PADI1: variants seen among roughly 807,000 people sequenced by gnomAD.
PADI1 encodes peptidyl arginine deiminase 1, also known as protein-arginine deiminase type-1.
PADI1 carries 65 observed loss-of-function variants against 74.8 expected under a neutral mutation model. The ratio of observed to expected loss-of-function variants is 0.87; its 90% CI spans 0.71 to 1.07. The LOEUF is 1.07. Ranked by LOEUF, PADI1 falls within the 50% of genes least tolerant of loss-of-function variation. The pLI, the probability that PADI1 is intolerant of heterozygous loss-of-function variation, is 0.00. For synonymous variants in PADI1, 371 were observed against 336.2 expected, an observed-to-expected ratio of 1.10 and a Z score of -1.13; for missense variants, 943 against 854.0, an observed-to-expected ratio of 1.10 and a Z score of -1.30.
chr1:17,225,873 C>T lies in PADI1; in HGVS notation c.471C>T (p.Asp157=). 1.2e-6 allele frequency: 2 copies of T among 1,614,108 alleles called. No homozygotes were observed. The highest frequency in any genetic ancestry group is 1.7e-6 in the Non-Finnish European group (2 of 1,180,022). ...TCTTGCTGGTGAACTGTGACCGGGA[C>T]AATCACAGGTCCGCAGAGCCTGACC... ...GAILLVNCDR[D]NHRSAEPDLT... is the part of the protein sequence containing the mutation. The change falls in exon 5 of 16, where the codon GAC becomes GAT. Residue 157 remains aspartate, a synonymous_variant. Coordinates refer to ENST00000375471, the MANE Select transcript of PADI1 (RefSeq NM_013358.3).
At chr1:17,214,424 AT>A (rs2071919297) in intron 1 of PADI1, among the ~76,000 whole-genome samples, 1 of 152,144 alleles carries the variant, frequency 6.6e-6, no homozygotes, top group Non-Finnish European at 1.5e-5. Context: ...GGAAACCATG[AT>A]GATATAACAG....
rs75178003 is a variant in PADI1, at chr1:17,232,651, G to A, written c.1162-168G>A. On this transcript the variant is annotated intron_variant, in intron 10 of 15. Coordinates refer to ENST00000375471, the MANE Select transcript of PADI1 (RefSeq NM_013358.3). ...TGATTTGTCTTTAATCGCATGGTTC[G>A]CAGAGCCCAGGGGGGATTTGTAAAA... 3.3e-3 allele frequency among the ~76,000 whole-genome samples: 500 copies of A among 152,132 alleles called. 4 individuals are homozygous for A. The highest frequency in any genetic ancestry group is 0.011 in the African/African-American group (476 of 41,486).
chr1:17,239,795 G>A lies in PADI1; in HGVS notation c.1632+12G>A. The A allele has an allele frequency of 6.2e-7, 1 of 1,603,158 alleles. No homozygotes were observed. The highest frequency in any genetic ancestry group is 8.5e-7 in the Non-Finnish European group (1 of 1,170,432). The stretch of plus-strand genomic sequence containing the variant: ...ATCTTCATGCACAGGTGAGAGGCAG[G>A]ACCACCAGCTGCTCTAAGGGGTCCT... On this transcript the variant is annotated intron_variant, in intron 14 of 15. Transcript: ENST00000375471.
chr1:17,236,990 G>A (rs1025500081), intron 11 of PADI1, among the ~76,000 whole-genome samples: 2 of 152,208 alleles, frequency 1.3e-5, no homozygotes, highest in African/African-American at 4.8e-5. Context: ...GGGGCGCAGT[G>A]GGGAGTGAGG....
At chr1:17,206,093 T>A (rs2071675251) in intron 1 of PADI1, among the ~76,000 whole-genome samples, 1 of 152,204 alleles carries the variant, frequency 6.6e-6, no homozygotes, top group South Asian at 2.1e-4. Context: ...TGGTGGCATT[T>A]CCAACTCTGA....
chr1:17,208,416 G>A (rs1482361728), intron 1 of PADI1, among the ~76,000 whole-genome samples: 7 of 140,684 alleles, frequency 5.0e-5, no homozygotes, highest in Non-Finnish European at 4.6e-5. Flanking sequence ...GTCCACCCCC[G>A]ACTCCAGTGG....
At chr1:17,215,841 A>T (rs922131959) in intron 1 of PADI1, among the ~76,000 whole-genome samples, 2 of 152,238 alleles carry the variant, frequency 1.3e-5, no homozygotes, top group African/African-American at 4.8e-5. Context: ...TCTGCATTTT[A>T]GAGGGAGAGA....
intron 15 of PADI1, 105 bp from the exon 16 acceptor site, chr1:17,243,904 TG>T: frequency 2.7e-6 from 2 of 750,594 alleles, no homozygotes. Context: ...GCTGTGGCTA[TG>T]GCCAACCCAT....
rs1445120654 is a variant in PADI1 at position 17,228,538 on chromosome 1, C to T, written c.653-87C>T. On this transcript the variant is annotated intron_variant, in intron 6 of 15. Coordinates refer to ENST00000375471, the MANE Select transcript of PADI1 (RefSeq NM_013358.3). ...CAGAGAGGAACCCAAGCTGCTCTAACCACAAAGGGGGCTCTGTCCTGGATT... is the reference window on the plus strand; with the variant it reads ...CAGAGAGGAACCCAAGCTGCTCTAATCACAAAGGGGGCTCTGTCCTGGATT... The T allele has an allele frequency of 6.9e-6, 10 of 1,458,868 alleles. No individual in the cohort carries two copies. In the East Asian group the frequency reaches 1.6e-4, roughly 23 times the overall value. 90.4% of individuals were successfully genotyped at this position (1,458,868 alleles called of 1,614,324 possible).
chr1:17,240,757 C>T lies in PADI1; in HGVS notation c.1755C>T (p.Asp585=). 1 of 1,613,704 alleles carries T rather than the reference C, an allele frequency of 6.2e-7. No homozygotes were observed. Among genetic ancestry groups the T allele is most frequent in the South Asian group, 1.1e-5 (1 of 91,026 alleles). The change falls in exon 15 of 16, where the codon GAC becomes GAT. Residue 585 remains aspartate, a synonymous_variant. Coordinates refer to ENST00000375471, the MANE Select transcript of PADI1 (RefSeq NM_013358.3). ...KNFYAEAFFP[D]MVNMVVLGKY... ...TCTACGCGGAAGCCTTCTTCCCAGA[C>T]ATGGTGAGAGCCCTTGTGCAGGGTC...
chr1:17,215,293 A>G (rs2071945161), intron 1 of PADI1, among the ~76,000 whole-genome samples: 1 of 152,164 alleles, frequency 6.6e-6, no homozygotes, highest in Non-Finnish European at 1.5e-5. Flanking sequence ...GGGAGGGAGC[A>G]GATCTAGACT....
Position 17,223,675 on chromosome 1 carries a change from CT to C in PADI1, c.331del (p.Tyr111ThrfsTer19). Reference protein sequence around the residue: ...QEDQALGRSVLYLTGVDISLE... With the variant: ...QEDQALGRSVXYLTGVDISLE... Reference sequence around the variant, plus strand: ...AGACCAAGCTCTGGGCCGCAGCGTGCTTTACCTCACTGGCGTCGGTAAGTAG... The same window carrying C: ...AGACCAAGCTCTGGGCCGCAGCGTGCTTACCTCACTGGCGTCGGTAAGTAG... On this transcript the variant is annotated frameshift_variant, in exon 3 of 16. Coordinates refer to ENST00000375471, the MANE Select transcript of PADI1 (RefSeq NM_013358.3). LOFTEE classifies it high-confidence loss of function. 6.2e-7 allele frequency: 1 copy of C among 1,614,086 alleles called. No individual in the cohort carries two copies. Among genetic ancestry groups the C allele is most frequent in the Middle Eastern group, 1.7e-4 (1 of 6,058 alleles).
chr1:17,222,221 C>T, intron 1 of PADI1, 69 bp from the exon 2 acceptor site: 2 of 1,198,718 alleles, frequency 1.7e-6, no homozygotes, highest in South Asian at 1.3e-5. Context: ...AAGCCCCCAC[C>T]CCACTGTGGC....
rs1557479110 is a variant in PADI1, at chr1:17,235,293, G to GGAAGGAGGGAAGAAAGGAAGGAA, written c.1314-2020_1314-2019insAAGGAGGGAAGAAAGGAAGGAAG. ...AAGGAAGGAAGGAAGGAAGGAAGGA[G>GGAAGGAGGGAAGAAAGGAAGGAA]GGAAGGAAGGAAGGAGGCAAAGTAG... On this transcript the variant is annotated intron_variant, in intron 11 of 15. Transcript: ENST00000375471. Among the ~76,000 whole-genome samples, 251 of 62,754 alleles carry GGAAGGAGGGAAGAAAGGAAGGAA rather than the reference G, an allele frequency of 4.0e-3. 11 individuals are homozygous for GGAAGGAGGGAAGAAAGGAAGGAA. The highest frequency in any genetic ancestry group is 0.014 in the African/African-American group (232 of 16,768). The allele number at this position is 62,754 out of a possible 152,430, so 41.2% of individuals were successfully genotyped here.
chr1:17,217,910 G>A (rs912835320), intron 1 of PADI1, among the ~76,000 whole-genome samples: 1 of 152,258 alleles, frequency 6.6e-6, no homozygotes, highest in Non-Finnish European at 1.5e-5. Flanking sequence ...CCATGACATT[G>A]TGGTTAGTAC....
intron 1 of PADI1, among the ~76,000 whole-genome samples, chr1:17,212,244 A>T (rs1194311842): frequency 6.6e-6 from 1 of 152,084 alleles, no homozygotes; most frequent in Non-Finnish European, 1.5e-5. Context: ...ATTCCAGGAC[A>T]CCTAGCGGCT....
In PADI1 at chr1:17,228,730, G is replaced by A; in HGVS notation, c.758G>A (p.Gly253Glu). The change falls in exon 7 of 16, where the codon GGG (glycine) becomes GAG (glutamate). Residue 253 changes from glycine to glutamate, a missense_variant. By Grantham distance (98) the Gly-to-Glu change is moderately conservative (BLOSUM62 -2). Transcript: ENST00000375471. ...GEQEIKFYVE[G>E]LTFPDADFLG... is the part of the protein sequence containing the mutation. ...CAGGAGATCAAGTTCTATGTGGAGG[G>A]GCTGACCTTCCCCGATGCCGATTTC... is the stretch of plus-strand genomic sequence containing the variant. 2 of 1,614,184 alleles carry A rather than the reference G, an allele frequency of 1.2e-6. No individual in the cohort carries two copies. The highest frequency in any genetic ancestry group is 2.2e-5 in the East Asian group (1 of 44,882).
At chr1:17,217,310 C>T (rs994319297) in intron 1 of PADI1, among the ~76,000 whole-genome samples, 9 of 152,086 alleles carry the variant, frequency 5.9e-5, no homozygotes, top group African/African-American at 1.2e-4. Flanking sequence ...CCAGGTGGGC[C>T]GCAGTGTTGT....
chr1:17,231,584 C>T (rs1569825652), intron 10 of PADI1, among the ~76,000 whole-genome samples: 1 of 152,282 alleles, frequency 6.6e-6, no homozygotes, highest in East Asian at 1.9e-4. Flanking sequence ...CCAGGGCCAG[C>T]GTGCTGGAGG....
Sources: allele counts gnomAD v4.1 joint callset (sites outside exome capture counted in the v4.1 genomes callset), GRCh38; gene constraint gnomAD v4.1.1; transcripts MANE v1.5; gene names NCBI Gene and HGNC (gene_info 2026-07-23, HGNC 2026-07-21).